Variants in TMEM132D observed in about 807,000 individuals in gnomAD.
TMEM132D encodes mature OL transmembrane protein.
Under a neutral mutation model 62.3 loss-of-function variants are expected in TMEM132D, and 21 were observed. That is an observed-to-expected ratio of 0.34 (90% CI 0.24 to 0.49). The LOEUF (loss-of-function observed/expected upper bound fraction) is 0.49, where lower values mean the gene tolerates loss of function less well. TMEM132D is among the 20% of genes least tolerant of loss of function. The pLI, the probability that TMEM132D is intolerant of heterozygous loss-of-function variation, is 0.99. For missense variants in TMEM132D, 1,346 were observed against 1,402.8 expected (o/e 0.96, Z 0.65); for synonymous variants, 621 against 575.6 (o/e 1.08, Z -1.13).
intron 2 of TMEM132D, among the ~76,000 whole-genome samples, chr12:129,592,883 A>G (rs897517576): frequency 2.0e-5 from 3 of 152,184 alleles, no homozygotes; most frequent in African/African-American, 7.2e-5. Context: ...GGACTATTTT[A>G]TTAGTAAAAA....
At chr12:129,502,204 T>C (rs1038669641) in intron 3 of TMEM132D, among the ~76,000 whole-genome samples, 10 of 151,972 alleles carry the variant, frequency 6.6e-5, no homozygotes, top group Non-Finnish European at 1.5e-4. Flanking sequence ...TTTCACTGTG[T>C]TAGCCAGGAT....
chr12:129,704,256 A>G (rs1452604705), intron 1 of TMEM132D, among the ~76,000 whole-genome samples: 1 of 152,254 alleles, frequency 6.6e-6, no homozygotes, highest in Non-Finnish European at 1.5e-5. Context: ...TCCGCTGAGT[A>G]GATAGCTGTA....
intron 5 of TMEM132D, among the ~76,000 whole-genome samples, chr12:129,140,052 CTTCT>C (rs1431042560): frequency 3.9e-5 from 6 of 151,916 alleles, no homozygotes; most frequent in African/African-American, 1.2e-4. Flanking sequence ...TGAACTTTTC[CTTCT>C]TTTTCATTTT....
intron 1 of TMEM132D, among the ~76,000 whole-genome samples, chr12:129,720,998 G>T (rs920151273): frequency 1.3e-5 from 2 of 152,228 alleles, no homozygotes; most frequent in Admixed American, 1.3e-4. Context: ...TCACTGCAGG[G>T]GAAGATGGGG....
rs913985675 is a variant in TMEM132D, at chr12:129,654,481, G to A, written c.968+45329C>T. On this transcript the variant is annotated intron_variant, in intron 2 of 8. Transcript: ENST00000422113. ...GATCTATGCTTTGTACATGAAAAGAGTAAGATTTTCTTCCCCCCTAATAAC... is the reference window on the plus strand; with the variant it reads ...GATCTATGCTTTGTACATGAAAAGAATAAGATTTTCTTCCCCCCTAATAAC... Among the ~76,000 whole-genome samples, 3 of 152,104 alleles carry A rather than the reference G, an allele frequency of 2.0e-5. No homozygotes were observed. The South Asian group carries it at 6.2e-4, about 32-fold the overall frequency.
At chr12:129,635,975 G>A (rs564785108) in intron 2 of TMEM132D, among the ~76,000 whole-genome samples, 1 of 152,310 alleles carries the variant, frequency 6.6e-6, no homozygotes, top group East Asian at 1.9e-4. Context: ...GGCATAAGTG[G>A]ATTCAAATAT....
intron 4 of TMEM132D, among the ~76,000 whole-genome samples, chr12:129,294,335 G>A (rs1271685145): frequency 3.9e-5 from 6 of 152,154 alleles, no homozygotes; most frequent in Non-Finnish European, 8.8e-5. Context: ...ATGCAATGAA[G>A]CTTGTAATAA....
chr12:129,143,054 C>T (rs966571643), intron 5 of TMEM132D, among the ~76,000 whole-genome samples: 1 of 152,060 alleles, frequency 6.6e-6, no homozygotes, highest in Non-Finnish European at 1.5e-5. Flanking sequence ...GCAGGGTAAC[C>T]TCTAATTCAG....
chr12:129,284,764 C>A (rs1012856944), intron 4 of TMEM132D, among the ~76,000 whole-genome samples: 4 of 152,168 alleles, frequency 2.6e-5, no homozygotes, highest in Admixed American at 1.3e-4. Flanking sequence ...ATACATGCTA[C>A]AACATGGATG....
chr12:129,695,419 TC>T, intron 2 of TMEM132D, among the ~76,000 whole-genome samples: 1 of 152,202 alleles, frequency 6.6e-6, no homozygotes, highest in Non-Finnish European at 1.5e-5. Flanking sequence ...TTAAGTCATA[TC>T]AGTTCTGAAA....
chr12:129,855,162 TATAACAGA>T (rs1873693058), intron 1 of TMEM132D, among the ~76,000 whole-genome samples: 1 of 101,442 alleles, frequency 9.9e-6, no homozygotes, highest in Admixed American at 9.5e-5. Context: ...TGGGTGCCCT[TATAACAGA>T]GTCCGGGGGA....
chr12:129,383,921 G>T (rs1362995219), intron 3 of TMEM132D, among the ~76,000 whole-genome samples: 1 of 152,166 alleles, frequency 6.6e-6, no homozygotes, highest in Non-Finnish European at 1.5e-5. Context: ...TTCCCATAAG[G>T]ACCCGGAATG....
chr12:129,192,944 G>A (rs1438058977), intron 5 of TMEM132D, among the ~76,000 whole-genome samples: 1 of 152,150 alleles, frequency 6.6e-6, no homozygotes, highest in Non-Finnish European at 1.5e-5. Context: ...GCCGAGGCGG[G>A]CGGATCACGA....
Position 129,097,896 on chromosome 12 carries a change from C to T in TMEM132D, c.1444-13194G>A, listed in dbSNP as rs989235308. 6.6e-5 allele frequency among the ~76,000 whole-genome samples: 10 copies of T among 152,214 alleles called. No homozygotes were observed. In the South Asian group the frequency reaches 1.0e-3, roughly 16 times the overall value. The stretch of plus-strand genomic sequence containing the variant: ...TGTATTCACAAACAAAAACTGCATA[C>T]GCAGAAGTGTTTAATTTTAATAAAG... On this transcript the variant is annotated intron_variant, in intron 5 of 8. Coordinates refer to ENST00000422113, the MANE Select transcript of TMEM132D (RefSeq NM_133448.3).
chr12:129,695,648 T>G (rs1881187059), intron 2 of TMEM132D, among the ~76,000 whole-genome samples: 1 of 152,250 alleles, frequency 6.6e-6, no homozygotes, highest in South Asian at 2.1e-4. Context: ...TGAAGGGTAA[T>G]TCGAGGAACC....
At chr12:129,265,239 A>C (rs1880654916) in intron 4 of TMEM132D, among the ~76,000 whole-genome samples, 1 of 152,134 alleles carries the variant, frequency 6.6e-6, no homozygotes, top group South Asian at 2.1e-4. Flanking sequence ...GAGCTGGGAA[A>C]CAGAGTTACT....
intron 5 of TMEM132D, among the ~76,000 whole-genome samples, chr12:129,161,311 A>G (rs548717477): frequency 1.3e-5 from 2 of 152,320 alleles, no homozygotes; most frequent in African/African-American, 2.4e-5. Flanking sequence ...TCTGAAAACA[A>G]AATACCTGAG....
Position 129,255,137 on chromosome 12 carries a change from C to T in TMEM132D, c.1300-45474G>A, listed in dbSNP as rs1183872773. Among the ~76,000 whole-genome samples, 3 of 152,180 alleles carry T rather than the reference C, an allele frequency of 2.0e-5. No homozygotes were observed. In the East Asian group the frequency reaches 5.8e-4, roughly 29 times the overall value. The stretch of plus-strand genomic sequence containing the variant: ...ACGTGTCTGGTCCCCCTTCACCTTC[C>T]ACCGCGACTGCATGATTCTAAGTTT... On this transcript the variant is annotated intron_variant, in intron 4 of 8. Transcript: ENST00000422113.
intron 2 of TMEM132D, among the ~76,000 whole-genome samples, chr12:129,674,129 G>A (rs1880571333): frequency 6.6e-6 from 1 of 152,156 alleles, no homozygotes; most frequent in Non-Finnish European, 1.5e-5. Context: ...AGTTTGAAAA[G>A]CAGAATTAAA....
Sources: allele counts gnomAD v4.1 joint callset (sites outside exome capture counted in the v4.1 genomes callset), GRCh38; gene constraint gnomAD v4.1.1; transcripts MANE v1.5; gene names NCBI Gene and HGNC (gene_info 2026-07-23, HGNC 2026-07-21).